Variants in MANBA observed in about 807,000 individuals in gnomAD.
The protein encoded by MANBA is beta-mannosidase.
MANBA carries 83 observed loss-of-function variants against 111.1 expected under a neutral mutation model. The ratio of observed to expected loss-of-function variants is 0.75; its 90% CI spans 0.63 to 0.90. The LOEUF is 0.90. MANBA is among the 40% of genes least tolerant of loss of function. MANBA has a pLI of 0.00. For synonymous variants in MANBA, 370 were observed against 378.7 expected (o/e 0.98, Z 0.27); for missense variants, 1,036 against 1,069.0 (o/e 0.97, Z 0.43).
chr4:102,718,073 T>C (rs949482580), intron 4 of MANBA, among the ~76,000 whole-genome samples: 6 of 152,188 alleles, frequency 3.9e-5, no homozygotes, highest in Non-Finnish European at 7.3e-5. Flanking sequence ...ACTGAAGAGC[T>C]ATTGAAGAGG....
chr4:102,730,397 T>C, intron 1 of MANBA: 1 of 482,120 alleles, frequency 2.1e-6, no homozygotes, highest in Non-Finnish European at 3.8e-6. Context: ...GTCGGCAACC[T>C]TGCTGTGGCA....
chr4:102,703,008 A>G (rs916022162), intron 5 of MANBA, among the ~76,000 whole-genome samples: 1 of 152,238 alleles, frequency 6.6e-6, no homozygotes, highest in Non-Finnish European at 1.5e-5. Context: ...CTGCATATAC[A>G]TATATATAAC....
chr4:102,730,925 C>T (rs968117550), intron 1 of MANBA, among the ~76,000 whole-genome samples: 1 of 152,120 alleles, frequency 6.6e-6, no homozygotes, highest in Non-Finnish European at 1.5e-5. Context: ...ACCTGCACCC[C>T]ATGTTCCCCT....
Position 102,632,194 on chromosome 4 carries a change from T to C in MANBA, c.2503A>G (p.Ile835Val), listed in dbSNP as rs760677826. The change falls in exon 17 of 17, where the codon ATC (isoleucine) becomes GTC (valine). Residue 835 changes from isoleucine to valine, a missense_variant. Physicochemically the swap from Ile to Val is conservative, Grantham distance 29 (BLOSUM62 3). Coordinates refer to ENST00000647097, the MANE Select transcript of MANBA (RefSeq NM_005908.4). ...CCATTGTCACTAAATCTCCCTGGGA[T>C]GCTTCCTACATCCAACCAAACAAAG... Reference protein sequence around the residue: ...APFVWLDVGSIPGRFSDNGFL... With the variant: ...APFVWLDVGSVPGRFSDNGFL... 6.2e-7 allele frequency: 1 copy of C among 1,613,484 alleles called. No homozygotes were observed. The highest frequency in any genetic ancestry group is 2.2e-5 in the East Asian group (1 of 44,882).
chr4:102,754,910 T>G (rs111530952), intron 1 of MANBA, among the ~76,000 whole-genome samples: 2,668 of 152,230 alleles, frequency 0.018, 62 homozygotes, highest in African/African-American at 0.061. Context: ...TTAAAAAAAT[T>G]AGAATGGATG....
At chr4:102,642,542 G>A (rs1729926569) in intron 13 of MANBA, among the ~76,000 whole-genome samples, 1 of 152,194 alleles carries the variant, frequency 6.6e-6, no homozygotes, top group African/African-American at 2.4e-5. Flanking sequence ...GGGAGGCAGA[G>A]GTTGCAGTGA....
intron 1 of MANBA, chr4:102,752,007 A>C (rs987799454): frequency 1.8e-5 from 13 of 739,650 alleles, no homozygotes; most frequent in Non-Finnish European, 3.3e-5. Flanking sequence ...CAGGAACTAA[A>C]TTTTGTAGTG....
intron 10 of MANBA, 81 bp from the exon 11 acceptor site, chr4:102,664,933 G>T: frequency 8.9e-7 from 1 of 1,128,550 alleles, no homozygotes; most frequent in Non-Finnish European, 1.3e-6. Context: ...TAAAATTAAA[G>T]CCCTTGCATT....
chr4:102,718,022 A>G lies in MANBA; in HGVS notation c.550-3461T>C, dbSNP rs572384573. On this transcript the variant is annotated intron_variant, in intron 4 of 16. Coordinates refer to ENST00000647097, the MANE Select transcript of MANBA (RefSeq NM_005908.4). ...AGGGCAATATTTCATGCAAGGCATGACTGAACTCAAGACACAGTGGCAGAA... is the reference window on the plus strand; with the variant it reads ...AGGGCAATATTTCATGCAAGGCATGGCTGAACTCAAGACACAGTGGCAGAA... Among the ~76,000 whole-genome samples, 94 of 152,378 alleles carry G rather than the reference A, an allele frequency of 6.2e-4. 1 individual carries two copies. The highest frequency in any genetic ancestry group is 2.2e-3 in the African/African-American group (91 of 41,592).
intron 7 of MANBA, among the ~76,000 whole-genome samples, chr4:102,675,596 T>C (rs149958791): frequency 1.3e-5 from 2 of 152,342 alleles, no homozygotes; most frequent in East Asian, 3.9e-4. Flanking sequence ...TACTACTTAT[T>C]CCTTTGTTTC....
chr4:102,741,551 C>T (rs548161926), intron 1 of MANBA, among the ~76,000 whole-genome samples: 47 of 152,244 alleles, frequency 3.1e-4, no homozygotes, highest in Middle Eastern at 3.4e-3. Context: ...TGCCCATCAA[C>T]CAACAAGTAG....
rs556830924 is a variant in MANBA, at chr4:102,716,136, C to T, written c.550-1575G>A. ...GCCAGCCTGACCAACATGGAGAAAC[C>T]CCGTCTCTACTAAAAATACAAAATT... is the stretch of plus-strand genomic sequence containing the variant. On this transcript the variant is annotated intron_variant, in intron 4 of 16. Transcript: ENST00000647097. 3.0e-3 allele frequency among the ~76,000 whole-genome samples: 458 copies of T among 151,534 alleles called. 4 individuals are homozygous for T. The highest frequency in any genetic ancestry group is 4.4e-3 in the Admixed American group (67 of 15,238).
intron 8 of MANBA, 56 bp downstream of exon 8, chr4:102,673,863 A>G: frequency 6.6e-7 from 1 of 1,504,036 alleles, no homozygotes. Context: ...GTAAACCTCA[A>G]GCTTTGCGGG....
chr4:102,651,826 A>G (rs1730346448), intron 12 of MANBA, among the ~76,000 whole-genome samples: 1 of 152,244 alleles, frequency 6.6e-6, no homozygotes, highest in Admixed American at 6.5e-5. Context: ...AGAATTAAAT[A>G]ATGCTAACTA....
chr4:102,746,060 T>C (rs1047897970), intron 1 of MANBA, among the ~76,000 whole-genome samples: 1 of 152,170 alleles, frequency 6.6e-6, no homozygotes. Context: ...ATGGTTTATC[T>C]CCTCAGACAA....
Position 102,760,954 on chromosome 4 carries a change from G to T in MANBA, c.-60C>A. 1 of 1,483,178 alleles carries T rather than the reference G, an allele frequency of 6.7e-7. No individual in the cohort carries two copies. 91.9% of individuals were successfully genotyped at this position (1,483,178 alleles called of 1,614,324 possible). A position where few individuals can be genotyped will look rare whatever the true frequency, so the allele number is the denominator to read the frequency against. Reference sequence around the variant, plus strand: ...CGAAAGGCAGCGCTGCAAGGGACCGGCGGTGAAGCCACTCACCCCCTCGGA... The same window carrying T: ...CGAAAGGCAGCGCTGCAAGGGACCGTCGGTGAAGCCACTCACCCCCTCGGA... On this transcript the variant is annotated 5_prime_UTR_variant, in exon 1 of 17. Coordinates refer to ENST00000647097, the MANE Select transcript of MANBA (RefSeq NM_005908.4).
intron 7 of MANBA, among the ~76,000 whole-genome samples, chr4:102,678,745 T>C (rs1348544916): frequency 1.3e-5 from 2 of 152,212 alleles, no homozygotes; most frequent in East Asian, 1.9e-4. Flanking sequence ...TGCAGGATAG[T>C]TGAATGCATT....
chr4:102,753,366 T>A (rs944924198), intron 1 of MANBA, among the ~76,000 whole-genome samples: 2 of 152,140 alleles, frequency 1.3e-5, no homozygotes, highest in Non-Finnish European at 2.9e-5. Flanking sequence ...TTTTATCCAA[T>A]GAACACTACA....
chr4:102,672,855 C>A (rs1731553229), intron 8 of MANBA, among the ~76,000 whole-genome samples: 1 of 152,228 alleles, frequency 6.6e-6, no homozygotes, highest in South Asian at 2.1e-4. Flanking sequence ...TCATCCCCCA[C>A]CCCCAATCTG....
Sources: gnomAD v4.1 joint callset for allele counts (sites outside exome capture counted in the v4.1 genomes callset) on GRCh38, gnomAD v4.1.1 for gene constraint, MANE v1.5 for transcripts, NCBI Gene and HGNC (gene_info 2026-07-23, HGNC 2026-07-21) for gene names.